The following EPHA6 variants were observed in gnomAD, a reference collection of about 807,000 sequenced individuals.
The protein encoded by EPHA6 is EPH receptor A6.
Under a neutral mutation model 112.0 loss-of-function variants are expected in EPHA6, and 50 were observed. The ratio of observed to expected loss-of-function variants is 0.45; its 90% CI spans 0.36 to 0.56. The LOEUF is 0.56. Among genes scored for constraint, EPHA6 ranks in the 20% least tolerant of loss-of-function variants. The pLI, the probability that EPHA6 is intolerant of heterozygous loss-of-function variation, is 0.00. For synonymous variants in EPHA6, 529 were observed against 490.7 expected (o/e 1.08, Z -1.03); for missense variants, 1,280 against 1,417.4 (o/e 0.90, Z 1.56).
intron 2 of EPHA6, among the ~76,000 whole-genome samples, chr3:96,947,146 T>C (rs1297486046): frequency 6.6e-6 from 1 of 152,160 alleles, no homozygotes; most frequent in African/African-American, 2.4e-5. Context: ...TTCACTCTGA[T>C]GGTAGTTTCT....
chr3:97,406,863 G>A (rs1196387439), intron 6 of EPHA6, among the ~76,000 whole-genome samples: 1 of 152,108 alleles, frequency 6.6e-6, no homozygotes, highest in Non-Finnish European at 1.5e-5. Flanking sequence ...AAATGTTACA[G>A]CCTATAGCAC....
chr3:97,198,195 C>T (rs1269679367), intron 3 of EPHA6, among the ~76,000 whole-genome samples: 2 of 152,092 alleles, frequency 1.3e-5, no homozygotes, highest in African/African-American at 4.8e-5. Context: ...TGTTCAATTT[C>T]CTGTTCCTGC....
At chr3:97,155,333 TCA>T (rs2076265090) in intron 3 of EPHA6, among the ~76,000 whole-genome samples, 1 of 152,150 alleles carries the variant, frequency 6.6e-6, no homozygotes. Flanking sequence ...CAGAAGTCAT[TCA>T]GTTTCTCTGA....
intron 2 of EPHA6, among the ~76,000 whole-genome samples, chr3:96,895,471 A>G (rs950001189): frequency 2.0e-5 from 3 of 152,164 alleles, no homozygotes; most frequent in Non-Finnish European, 4.4e-5. Context: ...AAAAATTAAA[A>G]TAAATTTAGT....
chr3:97,198,786 C>T (rs925323052), intron 3 of EPHA6, among the ~76,000 whole-genome samples: 1 of 152,014 alleles, frequency 6.6e-6, no homozygotes, highest in Non-Finnish European at 1.5e-5. Context: ...CAACATTGAA[C>T]ATGCTAGTGT....
intron 3 of EPHA6, among the ~76,000 whole-genome samples, chr3:97,058,180 A>C (rs72918269): frequency 0.013 from 1,965 of 152,288 alleles, 43 homozygotes; most frequent in African/African-American, 0.044. Context: ...TACATATACA[A>C]AGGTATGCAT....
chr3:97,543,527 G>A (rs538678110), intron 11 of EPHA6, among the ~76,000 whole-genome samples: 102 of 152,214 alleles, frequency 6.7e-4, no homozygotes, highest in Middle Eastern at 3.4e-3. Context: ...GTCAGGTAGC[G>A]TGCTGCCTCC....
Position 97,756,717 on chromosome 3 carries a change from T to C in EPHA6, c.*8016T>C, listed in dbSNP as rs369336240. On this transcript the variant is annotated 3_prime_UTR_variant, in exon 18 of 18. Transcript: ENST00000389672. ...GAGTAAAAAAAATCAAAATGTGAAA[T>C]GGGAGCATTTTGGGGAGCGAGCAGG... is the stretch of plus-strand genomic sequence containing the variant. 1.1e-4 allele frequency among the ~76,000 whole-genome samples: 17 copies of C among 151,720 alleles called. No individual in the cohort carries two copies. The highest frequency in any genetic ancestry group is 3.6e-4 in the African/African-American group (15 of 41,388).
chr3:97,010,018 CG>C (rs1372416106), intron 3 of EPHA6: 1 of 1,193,760 alleles, frequency 8.4e-7, no homozygotes, highest in Non-Finnish European at 1.1e-6. Context: ...CTCCAAAGGC[CG>C]CTGCTTCTAG....
intron 3 of EPHA6, among the ~76,000 whole-genome samples, chr3:97,040,887 T>G (rs1427166815): frequency 6.6e-6 from 1 of 152,080 alleles, no homozygotes; most frequent in Non-Finnish European, 1.5e-5. Flanking sequence ...TAGAATTTAA[T>G]ACTGACACTT....
intron 3 of EPHA6, among the ~76,000 whole-genome samples, chr3:97,189,320 C>T (rs1384846229): frequency 6.6e-6 from 1 of 151,702 alleles, no homozygotes; most frequent in Non-Finnish European, 1.5e-5. Context: ...GAGAAATAGC[C>T]CTTGGAAACA....
At chr3:97,279,323 C>T (rs1236196439) in intron 5 of EPHA6, among the ~76,000 whole-genome samples, 1 of 151,578 alleles carries the variant, frequency 6.6e-6, no homozygotes, top group Non-Finnish European at 1.5e-5. Flanking sequence ...AATTACAACC[C>T]ACCCATCACA....
intron 3 of EPHA6, among the ~76,000 whole-genome samples, chr3:97,181,485 G>C (rs2108452082): frequency 6.6e-6 from 1 of 152,054 alleles, no homozygotes; most frequent in African/African-American, 2.4e-5. Context: ...ACGTTCCCTA[G>C]CATGCAAAGT....
chr3:97,497,056 T>C (rs573211272), intron 10 of EPHA6, among the ~76,000 whole-genome samples: 25 of 152,280 alleles, frequency 1.6e-4, no homozygotes, highest in African/African-American at 5.5e-4. Context: ...ACACCTCTCC[T>C]AGCCTCCCTT....
intron 5 of EPHA6, among the ~76,000 whole-genome samples, chr3:97,317,504 A>G (rs1417364255): frequency 6.6e-6 from 1 of 152,038 alleles, no homozygotes; most frequent in Non-Finnish European, 1.5e-5. Context: ...CCTGGAAGTT[A>G]TAGTTTTATG....
chr3:97,285,933 G>C (rs1417009244), intron 5 of EPHA6, among the ~76,000 whole-genome samples: 2 of 151,976 alleles, frequency 1.3e-5, no homozygotes, highest in East Asian at 3.9e-4. Flanking sequence ...AATCATTCTA[G>C]GGTAAGATGA....
intron 7 of EPHA6, among the ~76,000 whole-genome samples, chr3:97,465,091 A>G (rs1233320878): frequency 6.6e-6 from 1 of 152,140 alleles, no homozygotes; most frequent in East Asian, 1.9e-4. Context: ...GTTAAAAATT[A>G]ATAAATAAAA....
intron 6 of EPHA6, among the ~76,000 whole-genome samples, chr3:97,419,318 C>T (rs1030383478): frequency 6.6e-6 from 1 of 151,608 alleles, no homozygotes; most frequent in South Asian, 2.1e-4. Context: ...AACAAACAAA[C>T]AAACAAACAA....
intron 1 of EPHA6, among the ~76,000 whole-genome samples, chr3:96,845,153 A>G (rs1213509810): frequency 1.3e-5 from 2 of 151,986 alleles, no homozygotes; most frequent in South Asian, 4.1e-4. Context: ...AGCAGGTTTT[A>G]TGATCAAAGA....
Sources: allele counts gnomAD v4.1 joint callset (sites outside exome capture counted in the v4.1 genomes callset), GRCh38; gene constraint gnomAD v4.1.1; transcripts MANE v1.5; gene names NCBI Gene and HGNC (gene_info 2026-07-23, HGNC 2026-07-21).